STIM1: variants seen among roughly 807,000 people sequenced by gnomAD.
STIM1 encodes the protein stromal interaction molecule 1.
A neutral mutation model predicts 74.7 loss-of-function variants in STIM1; 25 were observed. That is an observed-to-expected ratio of 0.33 (90% CI 0.24 to 0.47). The LOEUF is 0.47. Among genes scored for constraint, STIM1 ranks in the 20% least tolerant of loss-of-function variants. STIM1 has a pLI of 1.00. For missense variants in STIM1, 728 were observed against 920.8 expected (o/e 0.79, Z 2.71); for synonymous variants, 328 against 348.8 (o/e 0.94, Z 0.66).
chr11:3,977,722 A>G (rs61897202), intron 2 of STIM1, among the ~76,000 whole-genome samples: 8,278 of 152,274 alleles, frequency 0.054, 373 homozygotes, highest in East Asian at 0.18. Context: ...TACTGGCTAT[A>G]CAACTTTAGG....
intron 1 of STIM1, among the ~76,000 whole-genome samples, chr11:3,872,061 G>A (rs1289291669): frequency 6.7e-6 from 1 of 150,258 alleles, no homozygotes; most frequent in Non-Finnish European, 1.5e-5. Flanking sequence ...TCTAACTCTC[G>A]TTTTTTTTTG....
At chr11:3,997,521 T>C (rs2093673682) in intron 2 of STIM1, among the ~76,000 whole-genome samples, 1 of 152,190 alleles carries the variant, frequency 6.6e-6, no homozygotes, top group South Asian at 2.1e-4. Flanking sequence ...GAGTGAACAC[T>C]GTGATAGAGT....
chr11:4,036,256 T>C (rs1017295167), intron 3 of STIM1, among the ~76,000 whole-genome samples: 5 of 152,234 alleles, frequency 3.3e-5, no homozygotes, highest in African/African-American at 1.2e-4. Context: ...CAGTCTTTCA[T>C]TGATGGGCAT....
chr11:4,053,046 A>T (rs10835545), intron 3 of STIM1, among the ~76,000 whole-genome samples: 1 of 152,088 alleles, frequency 6.6e-6, no homozygotes, highest in East Asian at 1.9e-4. Flanking sequence ...ATCTCACACC[A>T]GTTAGAATGG....
chr11:3,889,630 T>C (rs2091837522), intron 1 of STIM1, among the ~76,000 whole-genome samples: 1 of 152,170 alleles, frequency 6.6e-6, no homozygotes, highest in African/African-American at 2.4e-5. Context: ...ATTGATATCT[T>C]TGAGATGGAC....
chr11:4,023,234 CAA>C (rs2136016181), intron 2 of STIM1, among the ~76,000 whole-genome samples: 1 of 152,232 alleles, frequency 6.6e-6, no homozygotes, highest in South Asian at 2.1e-4. Flanking sequence ...GAGGCTGAGA[CAA>C]GAGAATTGCT....
chr11:4,029,368 T>C (rs887597645), intron 3 of STIM1, among the ~76,000 whole-genome samples: 1 of 151,992 alleles, frequency 6.6e-6, no homozygotes, highest in Non-Finnish European at 1.5e-5. Context: ...ATTATAATGC[T>C]GTTGAAAATT....
intron 1 of STIM1, among the ~76,000 whole-genome samples, chr11:3,889,274 G>A (rs1389068606): frequency 6.6e-6 from 1 of 151,730 alleles, no homozygotes; most frequent in African/African-American, 2.4e-5. Flanking sequence ...TATTTTAAAG[G>A]AACCCAGACA....
intron 2 of STIM1, among the ~76,000 whole-genome samples, chr11:4,018,458 CAAAAAAAAAAAAAAAA>C (rs1157096857): frequency 4.9e-5 from 1 of 20,536 alleles, no homozygotes; most frequent in Non-Finnish European, 1.4e-4. Context: ...GACTCCGTCT[CAAAAAAAAAAAAAAAA>C]AAAAAAAAAA....
intron 2 of STIM1, among the ~76,000 whole-genome samples, chr11:4,021,748 A>G (rs2093957727): frequency 6.6e-6 from 1 of 152,138 alleles, no homozygotes; most frequent in Admixed American, 6.5e-5. Flanking sequence ...TAGGGATTAC[A>G]TTGAATCCGT....
chr11:4,086,904 C>T, intron 12 of STIM1: 1 of 1,505,938 alleles, frequency 6.6e-7, no homozygotes, highest in Non-Finnish European at 8.9e-7. Flanking sequence ...CCTTCCCTTT[C>T]TGCTGCTTTT....
At position 4,083,417 on chromosome 11, in the gene STIM1, C is replaced by T. The variant is rs749694629; in HGVS notation, c.1393C>T (p.Arg465Cys). The change falls in exon 10 of 13, where the codon CGC becomes TGC. Residue 465 changes from arginine to cysteine, a missense_variant. Physicochemically the swap from Arg to Cys is radical, Grantham distance 180. This residue lies in a region of STIM1 where 352 missense variants were observed against 370.1 expected (regional missense o/e 0.95). Transcript: ENST00000526596. ...AGACCCCAGCTGGATGGGCAGTACA[C>T]GCCCCAACCCTGCTCACTTCATCAT... ...NIDPSWMGST[R>C]PNPAHFIMTD... is the part of the protein sequence containing the mutation. The T allele has an allele frequency of 5.6e-6, 9 of 1,614,270 alleles. No homozygotes were observed. Among genetic ancestry groups the T allele is most frequent in the East Asian group, 2.2e-5 (1 of 44,886 alleles).
intron 6 of STIM1, among the ~76,000 whole-genome samples, chr11:4,070,877 C>A (rs900362235): frequency 1.3e-5 from 2 of 151,100 alleles, no homozygotes; most frequent in Admixed American, 1.3e-4. Flanking sequence ...GTCTAGGAAC[C>A]AGTTCTGTGA....
intron 1 of STIM1, among the ~76,000 whole-genome samples, chr11:3,895,803 C>T (rs60193676): frequency 0.15 from 6,303 of 41,908 alleles, 406 homozygotes; most frequent in Non-Finnish European, 0.16. Context: ...TTCCTTCCTT[C>T]CTTTCTTTCC....
chr11:3,877,631 C>T (rs1173202927), intron 1 of STIM1, among the ~76,000 whole-genome samples: 3 of 152,190 alleles, frequency 2.0e-5, no homozygotes, highest in Non-Finnish European at 4.4e-5. Context: ...TTGGGTTAAT[C>T]AGGTATTTAT....
chr11:3,865,624 T>C (rs2090825414), intron 1 of STIM1, among the ~76,000 whole-genome samples: 1 of 152,300 alleles, frequency 6.6e-6, no homozygotes, highest in South Asian at 2.1e-4. Context: ...CTTGACAATA[T>C]CTGTTCAGAG....
intron 1 of STIM1, among the ~76,000 whole-genome samples, chr11:3,881,084 C>T (rs1231616025): frequency 4.2e-5 from 6 of 143,458 alleles, no homozygotes; most frequent in East Asian, 2.0e-4. Flanking sequence ...TGACGTAGGC[C>T]GTTTATTAAA....
chr11:4,022,001 GT>G (rs1185358832), intron 2 of STIM1, among the ~76,000 whole-genome samples: 1 of 151,710 alleles, frequency 6.6e-6, no homozygotes, highest in Non-Finnish European at 1.5e-5. Context: ...AGCTCTAACA[GT>G]TTTTTGGTGG....
At chr11:3,942,523 A>C (rs1233448899) in intron 1 of STIM1, among the ~76,000 whole-genome samples, 1 of 152,058 alleles carries the variant, frequency 6.6e-6, no homozygotes, top group Non-Finnish European at 1.5e-5. Context: ...CCTTCTTTGT[A>C]GTGCTGCCTG....
Sources: allele counts gnomAD v4.1 joint callset (sites outside exome capture counted in the v4.1 genomes callset), GRCh38; gene constraint gnomAD v4.1.1; regional missense constraint gnomAD v4.1.1; transcripts MANE v1.5; gene names NCBI Gene and HGNC (gene_info 2026-07-23, HGNC 2026-07-21).